NLRP1: variants seen among roughly 807,000 people sequenced by gnomAD.
The protein encoded by NLRP1 is NLR family pyrin domain containing 1.
A neutral mutation model predicts 136.7 loss-of-function variants in NLRP1; 94 were observed. The ratio of observed to expected loss-of-function variants is 0.69; its 90% CI spans 0.58 to 0.82. NLRP1 has a LOEUF of 0.82. NLRP1 is among the 40% of genes least tolerant of loss of function. NLRP1 has a pLI of 0.00. For synonymous variants in NLRP1, 690 were observed against 725.1 expected, an observed-to-expected ratio of 0.95 and a Z score of 0.78; for missense variants, 1,575 against 1,802.7, an observed-to-expected ratio of 0.87 and a Z score of 2.29.
chr17:5,568,087 G>C (rs183747092), intron 3 of NLRP1, among the ~76,000 whole-genome samples: 3 of 151,960 alleles, frequency 2.0e-5, no homozygotes, highest in Admixed American at 2.0e-4. Context: ...TCTTGTACTT[G>C]GATATCTTTC....
chr17:5,518,444 C>G (rs896907614), intron 14 of NLRP1: 7 of 152,574 alleles, frequency 4.6e-5, no homozygotes, highest in African/African-American at 1.4e-4. Flanking sequence ...GCTCTGCCTT[C>G]AAAATCAACC....
chr17:5,567,107 T>C (rs895661609), intron 3 of NLRP1, among the ~76,000 whole-genome samples: 2 of 152,124 alleles, frequency 1.3e-5, no homozygotes, highest in African/African-American at 4.8e-5. Flanking sequence ...GTTCTTGTTT[T>C]TTCATTCATT....
chr17:5,506,607 T>C (rs1907346201), intron 15 of NLRP1, among the ~76,000 whole-genome samples: 1 of 151,942 alleles, frequency 6.6e-6, no homozygotes, highest in African/African-American at 2.4e-5. Context: ...GGAAGGAAAT[T>C]CTGGCTGGGT....
downstream of NLRP1, among the ~76,000 whole-genome samples, chr17:5,510,348 G>A (rs116100319): frequency 4.4e-3 from 668 of 151,800 alleles, 5 homozygotes; most frequent in African/African-American, 0.016. Context: ...CACGATGCCC[G>A]GCTAATTAAA....
rs200050090 is a variant in NLRP1 at position 5,515,119 on chromosome 17, A to G, written c.4103-46T>C. On this transcript the variant is annotated intron_variant, in intron 16 of 16. Transcript: ENST00000572272. The stretch of plus-strand genomic sequence containing the variant: ...GCTCCAACCACAGCCTCCACCTCCA[A>G]TCCCCACCTTCAGTGCTTTCCTCTC... The G allele has an allele frequency of 3.2e-6, 5 of 1,539,486 alleles. No homozygotes were observed. In the African/African-American group the frequency reaches 5.5e-5, roughly 17 times the overall value.
In NLRP1 at chr17:5,539,594, A is replaced by G; in HGVS notation, c.2700-9T>C. ...GGCCACAGCTGACCAGCCTGCAGGA[A>G]AGATACACGCCAGCCCAGGTCATTG... On this transcript the variant is annotated splice_polypyrimidine_tract_variant and intron_variant, in intron 6 of 16. Coordinates refer to ENST00000572272, the MANE Select transcript of NLRP1 (RefSeq NM_033004.4). 1 of 1,604,132 alleles carries G rather than the reference A, an allele frequency of 6.2e-7. No individual in the cohort carries two copies. Among genetic ancestry groups the G allele is most frequent in the East Asian group, 2.2e-5 (1 of 44,590 alleles).
intron 2 of NLRP1, 118 bp downstream of exon 2, chr17:5,582,552 C>T: frequency 2.1e-6 from 2 of 971,718 alleles, no homozygotes; most frequent in Non-Finnish European, 1.5e-6. Flanking sequence ...GCTCCCCTAT[C>T]CTTCCTCTGC....
intron 5 of NLRP1, 40 bp downstream of exon 5, chr17:5,553,346 C>T (rs1439935031): frequency 6.4e-7 from 1 of 1,556,800 alleles, no homozygotes; most frequent in East Asian, 2.3e-5. Flanking sequence ...TGGATCTCTT[C>T]CCCATCCCTG....
At chr17:5,516,953 T>G (rs907061205) in intron 15 of NLRP1, among the ~76,000 whole-genome samples, 2 of 152,238 alleles carry the variant, frequency 1.3e-5, no homozygotes, top group Non-Finnish European at 2.9e-5. Flanking sequence ...GGTACTAGAC[T>G]AAGAGTCCAT....
At chr17:5,582,955 G>T in intron 1 of NLRP1, 109 bp from the exon 2 acceptor site, 1 of 816,884 alleles carries the variant, frequency 1.2e-6, no homozygotes, top group Non-Finnish European at 1.9e-6. Context: ...GGATACACCA[G>T]TGAACCCGCT....
intron 9 of NLRP1, 112 bp downstream of exon 9, chr17:5,533,785 G>T (rs1041964534): frequency 8.2e-5 from 62 of 755,912 alleles, no homozygotes; most frequent in Middle Eastern, 3.8e-4. Context: ...CTCTTGGGTA[G>T]GAAACCTGCC....
In NLRP1 at chr17:5,582,840, G is replaced by C; in HGVS notation, c.278C>G (p.Ser93Cys). The C allele has an allele frequency of 6.2e-7, 1 of 1,607,620 alleles. No individual in the cohort carries two copies. Among genetic ancestry groups the C allele is most frequent in the Non-Finnish European group, 8.5e-7 (1 of 1,176,522 alleles). The change falls in exon 2 of 17, where the codon TCT becomes TGT. Residue 93 changes from serine to cysteine, a missense_variant. Physicochemically the swap from Ser to Cys is moderately radical, Grantham distance 112. Coordinates refer to ENST00000572272, the MANE Select transcript of NLRP1 (RefSeq NM_033004.4). ...ACTTGGGCTGTAGGGGAATGAGGGAGAGTGGCCTACAGGAAAGAGACAAAG... is the reference window on the plus strand; with the variant it reads ...ACTTGGGCTGTAGGGGAATGAGGGACAGTGGCCTACAGGAAAGAGACAAAG... ...CAQAQEGAGH[S>C]PSFPYSPSEP...
chr17:5,503,204 A>G (rs1239916581), intron 15 of NLRP1: 2 of 152,078 alleles, frequency 1.3e-5, no homozygotes, highest in African/African-American at 4.8e-5. Flanking sequence ...GTGCAATGAG[A>G]GGGTTTTCAA....
chr17:5,536,230 CCT>C (rs934163165), intron 8 of NLRP1, among the ~76,000 whole-genome samples: 1 of 151,938 alleles, frequency 6.6e-6, no homozygotes, highest in African/African-American at 2.4e-5. Context: ...TTCACTGCAA[CCT>C]CTGTCTCCTG....
rs1380015321 is a variant in NLRP1, at chr17:5,582,778, TGG to T, written c.338_339del (p.Ser113TyrfsTer10). The T allele has an allele frequency of 6.2e-7, 1 of 1,613,812 alleles. No individual in the cohort carries two copies. Among genetic ancestry groups the T allele is most frequent in the Non-Finnish European group, 8.5e-7 (1 of 1,179,916 alleles). On this transcript the variant is annotated frameshift_variant, in exon 2 of 17. Coordinates refer to ENST00000572272, the MANE Select transcript of NLRP1 (RefSeq NM_033004.4). LOFTEE classifies it high-confidence loss of function. ...TGGATCCAGGGCATTAGCACTGCGG[TGG>T]AGGTGGGTTGGCTGGGAGACCCCAG... Reference protein sequence around the residue: ...PHLGSPSQPTSTAVLMPWIHE... With the variant: ...PHLGSPSQPTXTAVLMPWIHE...
At chr17:5,530,206 T>C in intron 12 of NLRP1, 1 of 516,476 alleles carries the variant, frequency 1.9e-6, no homozygotes, top group South Asian at 1.8e-5. Flanking sequence ...TCTTTCCTGC[T>C]GGGACCTTGA....
In NLRP1 at chr17:5,515,001, C is replaced by T. The variant is rs201588311; in HGVS notation, c.4175G>A (p.Arg1392Gln). ...CAAGACAACCTCCACCGATGTCACTCGGGCTATCAGCTGCTCTCGATACTG... is the reference window on the plus strand; with the variant it reads ...CAAGACAACCTCCACCGATGTCACTTGGGCTATCAGCTGCTCTCGATACTG... ...VDQYREQLIA[R>Q]VTSVEVVLDK... Residue 1392 changes from arginine to glutamine, a missense_variant, in exon 17 of 17, where the codon CGA becomes CAA. Coordinates refer to ENST00000572272, the MANE Select transcript of NLRP1 (RefSeq NM_033004.4). 1.1e-4 allele frequency: 185 copies of T among 1,614,088 alleles called. No homozygotes were observed. Among genetic ancestry groups the T allele is most frequent in the African/African-American group, 2.8e-4 (21 of 74,928 alleles).
In NLRP1 at chr17:5,530,677, G is replaced by A. The variant is rs1910123350; in HGVS notation, c.3324C>T (p.Tyr1108=). The A allele has an allele frequency of 3.1e-6, 5 of 1,614,044 alleles. No homozygotes were observed. The Admixed American group carries it at 6.7e-5, about 22-fold the overall frequency. Residue 1108 remains tyrosine (Y), a synonymous_variant, in exon 12 of 17, where the codon TAC becomes TAT. Transcript: ENST00000572272. ...AGCAGAGACCCGTGTTGGGCCAGCG[G>A]TAGGAGCCAGCTACAGGGAAGTGAA... The part of the protein sequence containing the change: ...YRVHFPVAGS[Y]RWPNTGLCFV...
intron 15 of NLRP1, 65 bp downstream of exon 15, chr17:5,517,681 C>T: frequency 6.3e-7 from 1 of 1,586,380 alleles, no homozygotes; most frequent in East Asian, 2.2e-5. Flanking sequence ...CCACTGTGCC[C>T]AGCTCCTTCA....
Sources: allele counts gnomAD v4.1 joint callset (sites outside exome capture counted in the v4.1 genomes callset), GRCh38; gene constraint gnomAD v4.1.1; transcripts MANE v1.5; gene names NCBI Gene and HGNC (gene_info 2026-07-23, HGNC 2026-07-21).